The following PDS5A variants were observed in gnomAD, a reference collection of about 807,000 sequenced individuals.
PDS5A encodes the protein sister chromatid cohesion protein PDS5 homolog A.
PDS5A carries 42 observed loss-of-function variants against 167.1 expected under a neutral mutation model. The ratio of observed to expected loss-of-function variants is 0.25; its 90% CI spans 0.20 to 0.33. PDS5A has a LOEUF of 0.33. PDS5A is among the 10% of genes least tolerant of loss of function. The probability of loss-of-function intolerance (pLI) is 1.00; values close to 1 mark genes in which losing one functional copy is unlikely to be tolerated. For missense variants in PDS5A, 1,033 were observed against 1,605.9 expected, an observed-to-expected ratio of 0.64 and a Z score of 6.10; for synonymous variants, 553 against 554.6, an observed-to-expected ratio of 1.00 and a Z score of 0.04.
intron 19 of PDS5A, among the ~76,000 whole-genome samples, chr4:39,875,683 G>C (rs1178248447): frequency 6.6e-6 from 1 of 152,102 alleles, no homozygotes; most frequent in East Asian, 1.9e-4. Context: ...TTATGAGATA[G>C]GGATGTCCAT....
chr4:39,927,935 A>G (rs1162762579), intron 3 of PDS5A, 26 bp downstream of exon 3: 23 of 1,516,880 alleles, frequency 1.5e-5, no homozygotes, highest in Non-Finnish European at 2.0e-5. Context: ...TGAAAAATAC[A>G]ATAAAGTGAA....
intron 2 of PDS5A, among the ~76,000 whole-genome samples, chr4:39,949,909 T>C (rs1438707886): frequency 6.7e-6 from 1 of 149,914 alleles, no homozygotes; most frequent in South Asian, 2.1e-4. Flanking sequence ...CAACCATACA[T>C]TTTATTTTAT....
chr4:39,933,309 A>C (rs1726265809), intron 2 of PDS5A: 1 of 151,978 alleles, frequency 6.6e-6, no homozygotes. Flanking sequence ...GGTGGCTTGC[A>C]CTTACAATCT....
chr4:39,882,419 G>A (rs1721010512), intron 17 of PDS5A, among the ~76,000 whole-genome samples: 1 of 152,110 alleles, frequency 6.6e-6, no homozygotes, highest in Non-Finnish European at 1.5e-5. Flanking sequence ...ATGTTTTCTG[G>A]AAATTCTAGC....
chr4:39,905,111 CA>C (rs1319189159), intron 11 of PDS5A, among the ~76,000 whole-genome samples: 1 of 152,092 alleles, frequency 6.6e-6, no homozygotes, highest in Admixed American at 6.6e-5. Flanking sequence ...ACTGACTACC[CA>C]GTGAATCTAA....
At chr4:39,836,613 C>CTTTTTTTTTT (rs1299199760) in intron 32 of PDS5A, among the ~76,000 whole-genome samples, 14 of 78,680 alleles carry the variant, frequency 1.8e-4, no homozygotes, top group Non-Finnish European at 3.4e-4. Context: ...GGATTTTTTT[C>CTTTTTTTTTT]TATTTTTTTT....
chr4:39,845,083 C>T (rs1289121603), intron 29 of PDS5A, among the ~76,000 whole-genome samples: 1 of 152,002 alleles, frequency 6.6e-6, no homozygotes, highest in African/African-American at 2.4e-5. Context: ...TGGTATAAGC[C>T]GGTAGTCCCA....
intron 30 of PDS5A, among the ~76,000 whole-genome samples, chr4:39,844,436 T>C (rs1451148709): frequency 6.7e-6 from 1 of 148,546 alleles, no homozygotes; most frequent in Non-Finnish European, 1.5e-5. Context: ...GATTGCGCCA[T>C]TGCACTCTAG....
intron 2 of PDS5A, among the ~76,000 whole-genome samples, chr4:39,951,898 C>CCA (rs1728435160): frequency 1.5e-5 from 1 of 68,802 alleles, no homozygotes; most frequent in East Asian, 5.1e-4. Flanking sequence ...GAGTCTGTCT[C>CCA]AAAAAAAAAA....
In PDS5A at chr4:39,838,062, G is replaced by A. The variant is rs762301124; in HGVS notation, c.3804C>T (p.Pro1268=). The A allele has an allele frequency of 1.9e-5, 30 of 1,613,824 alleles. No individual in the cohort carries two copies. Among genetic ancestry groups the A allele is most frequent in the Non-Finnish European group, 2.5e-5 (30 of 1,179,878 alleles). The change falls in exon 32 of 33, where the codon CCC becomes CCT. Residue 1268 remains proline (P), a synonymous_variant. Transcript: ENST00000303538. ...CAGACTTGGGTCGACGTCCTCTCCT[G>A]GGTTTGGAAGGGGCGGGAGGTCCCG... ...DESGPPAPSK[P]RRGRRPKSES...
chr4:39,957,650 G>A (rs184890167), intron 2 of PDS5A, among the ~76,000 whole-genome samples: 3 of 152,066 alleles, frequency 2.0e-5, no homozygotes, highest in South Asian at 2.1e-4. Context: ...GCCGGGCGTG[G>A]TGGCGGGCGC....
At chr4:39,973,581 G>C in intron 2 of PDS5A, 1 of 1,279,464 alleles carries the variant, frequency 7.8e-7, no homozygotes, top group South Asian at 1.2e-5. Context: ...ACAGCAAAGG[G>C]TTTGGTTTCG....
At chr4:39,972,942 G>C (rs1730697048) in intron 2 of PDS5A, among the ~76,000 whole-genome samples, 1 of 151,852 alleles carries the variant, frequency 6.6e-6, no homozygotes, top group African/African-American at 2.4e-5. Context: ...AAATCAATAA[G>C]TAATCTAGGA....
At chr4:39,906,719 T>A (rs1723382099) in intron 11 of PDS5A, among the ~76,000 whole-genome samples, 1 of 151,740 alleles carries the variant, frequency 6.6e-6, no homozygotes, top group South Asian at 2.1e-4. Context: ...GAGTTCAAGT[T>A]CAGCCTGGGT....
At chr4:39,855,871 C>A (rs530918001) in intron 26 of PDS5A, among the ~76,000 whole-genome samples, 2 of 152,192 alleles carry the variant, frequency 1.3e-5, no homozygotes, top group East Asian at 3.9e-4. Context: ...CATTAGACAT[C>A]ATGGAATTTC....
chr4:39,975,291 G>A (rs1730984321), intron 2 of PDS5A, among the ~76,000 whole-genome samples: 1 of 151,950 alleles, frequency 6.6e-6, no homozygotes, highest in Non-Finnish European at 1.5e-5. Context: ...CTTCCAAAAA[G>A]GCAACAAATT....
At chr4:39,949,301 C>CAA (rs71645201) in intron 2 of PDS5A, among the ~76,000 whole-genome samples, 17,115 of 93,710 alleles carry the variant, frequency 0.18, 1,934 homozygotes, top group Middle Eastern at 0.22. Flanking sequence ...GAACCTATCT[C>CAA]AAAAAAAAAA....
chr4:39,859,292 C>CA (rs923520297), intron 26 of PDS5A, among the ~76,000 whole-genome samples: 5 of 151,622 alleles, frequency 3.3e-5, no homozygotes, highest in South Asian at 4.2e-4. Flanking sequence ...AACAAACAAA[C>CA]AAAAAAAACC....
intron 2 of PDS5A, among the ~76,000 whole-genome samples, chr4:39,972,702 T>C (rs957667668): frequency 2.6e-5 from 4 of 151,556 alleles, no homozygotes; most frequent in Non-Finnish European, 5.9e-5. Flanking sequence ...GTTTAAGGAA[T>C]TTTTTATTAA....
Sources: gnomAD v4.1 joint callset for allele counts (sites outside exome capture counted in the v4.1 genomes callset) on GRCh38, gnomAD v4.1.1 for gene constraint, MANE v1.5 for transcripts, NCBI Gene and HGNC (gene_info 2026-07-23, HGNC 2026-07-21) for gene names.